Variants in CDH16 observed in about 807,000 individuals in gnomAD.
CDH16 encodes the protein cadherin-16.
CDH16 carries 79 observed loss-of-function variants against 87.6 expected under a neutral mutation model. The ratio of observed to expected loss-of-function variants is 0.90; its 90% CI spans 0.75 to 1.09. The LOEUF is 1.09. Ranked by LOEUF, CDH16 falls within the 50% of genes least tolerant of loss-of-function variation. The pLI is 0.00. For missense variants in CDH16, 1,124 were observed against 1,071.7 expected (o/e 1.05, Z -0.68); for synonymous variants, 457 against 439.5 (o/e 1.04, Z -0.50).
Position 66,912,254 on chromosome 16 carries a change from G to T in CDH16, c.1536C>A (p.Leu512=). Residue 512 remains leucine (L), a synonymous_variant, in exon 12 of 18, where the codon CTC becomes CTA. Coordinates refer to ENST00000299752, the MANE Select transcript of CDH16 (RefSeq NM_004062.4). ...CCCAGGCCCTCACCTTGCAGAGTCT[G>T]AGTCTAACATGCCCAGAGTCTGGCT... ...DWEPDSGHVR[L]RLCKNLSYEA... is the part of the protein sequence containing the mutation. 1 of 1,610,486 alleles carries T rather than the reference G, an allele frequency of 6.2e-7. No homozygotes were observed. The highest frequency in any genetic ancestry group is 2.2e-5 in the East Asian group (1 of 44,842).
At position 66,909,492 on chromosome 16, in the gene CDH16, T is replaced by G; in HGVS notation, c.2276-109A>C. 1 of 707,504 alleles carries G rather than the reference T, an allele frequency of 1.4e-6. No individual in the cohort carries two copies. The highest frequency in any genetic ancestry group is 2.7e-5 in the East Asian group (1 of 36,920). 43.8% of individuals were successfully genotyped at this position (707,504 alleles called of 1,614,324 possible). On this transcript the variant is annotated intron_variant, in intron 16 of 17. Coordinates refer to ENST00000299752, the MANE Select transcript of CDH16 (RefSeq NM_004062.4). This position sits in a 1 kb window ranked among gnomAD's most constrained non-coding sequence, Gnocchi z 4.1. Reference sequence around the variant, plus strand: ...ATATGTGTGTGTTTCTGCACATGTGTGTATTCACATGTGTGTGAAGATATA... The same window carrying G: ...ATATGTGTGTGTTTCTGCACATGTGGGTATTCACATGTGTGTGAAGATATA...
At chr16:66,908,537 A>T (rs1962260957) in intron 17 of CDH16, 48 bp from the exon 18 acceptor site, 1 of 1,432,030 alleles carries the variant, frequency 7.0e-7, no homozygotes, top group Non-Finnish European at 9.9e-7. Context: ...GGGCTGTGGG[A>T]CTTGTTCATC....
Position 66,912,766 on chromosome 16 carries a change from C to G in CDH16, c.1180G>C (p.Asp394His), listed in dbSNP as rs1248164853. ...AGCGTCACACTGCCTGAAGTGGGGTCCACCTGGAAGGCTCTCCCCTCTACC... is the reference window on the plus strand; with the variant it reads ...AGCGTCACACTGCCTGAAGTGGGGTGCACCTGGAAGGCTCTCCCCTCTACC... The part of the protein sequence containing the change: ...DGVEGRAFQV[D>H]PTSGSVTLGV... The change falls in exon 10 of 18, where the codon GAC (aspartate) becomes CAC (histidine). Residue 394 changes from aspartate to histidine, a missense_variant. Coordinates refer to ENST00000299752, the MANE Select transcript of CDH16 (RefSeq NM_004062.4). 1.2e-6 allele frequency: 2 copies of G among 1,613,664 alleles called. No individual in the cohort carries two copies. Among genetic ancestry groups the G allele is most frequent in the Non-Finnish European group, 1.7e-6 (2 of 1,179,994 alleles).
intron 3 of CDH16, 124 bp downstream of exon 3, chr16:66,917,518 G>A: frequency 1.3e-6 from 1 of 744,474 alleles, no homozygotes; most frequent in Admixed American, 2.0e-5. Context: ...TGTGTAACGT[G>A]TACATACTCT....
At chr16:66,915,127 C>T (rs1318099209) in intron 6 of CDH16, 93 bp downstream of exon 6, 6 of 1,293,298 alleles carry the variant, frequency 4.6e-6, no homozygotes, top group Non-Finnish European at 6.3e-6. Context: ...TTTTACCTCT[C>T]AAGCTCCCAC....
Position 66,909,839 on chromosome 16 carries a change from G to A in CDH16, c.2275+147C>T, listed in dbSNP as rs1962327718. 1.5e-6 allele frequency: 1 copy of A among 647,306 alleles called. No homozygotes were observed. The highest frequency in any genetic ancestry group is 2.7e-6 in the Non-Finnish European group (1 of 368,152). 40.1% of individuals were successfully genotyped at this position (647,306 alleles called of 1,614,324 possible). On this transcript the variant is annotated intron_variant, in intron 16 of 17. Transcript: ENST00000299752. This position sits in a 1 kb window ranked among gnomAD's most constrained non-coding sequence, Gnocchi z 4.1. Reference sequence around the variant, plus strand: ...CTCTGTGCCTGTTCCTGTGTGCCCAGGTATGTGTGCCCAGCCATAGGTGTG... The same window carrying A: ...CTCTGTGCCTGTTCCTGTGTGCCCAAGTATGTGTGCCCAGCCATAGGTGTG...
chr16:66,911,206 C>A lies in CDH16; in HGVS notation c.1900G>T (p.Val634Leu). Residue 634 changes from valine (V) to leucine (L), a missense_variant, in exon 14 of 18, where the codon GTG becomes TTG. Coordinates refer to ENST00000299752, the MANE Select transcript of CDH16 (RefSeq NM_004062.4). The stretch of plus-strand genomic sequence containing the variant: ...CCTGTATCCTGGGCCTCCACAAGCA[C>A]CGTGTAGGTGTCCCCAGGCTGGGCG... Reference protein sequence around the residue: ...QGAQPGDTYTVLVEAQDTDEP... With the variant: ...QGAQPGDTYTLLVEAQDTDEP... 1 of 1,613,404 alleles carries A rather than the reference C, an allele frequency of 6.2e-7. No individual in the cohort carries two copies. Among genetic ancestry groups the A allele is most frequent in the Admixed American group, 1.7e-5 (1 of 59,950 alleles).
In CDH16 at chr16:66,909,936, T is replaced by A; in HGVS notation, c.2275+50A>T. ...TGTGTACCAGCTCCCTCCCCTTGCATCCCAGCGGTTCCCTCAGGAACTGCA... is the reference window on the plus strand; with the variant it reads ...TGTGTACCAGCTCCCTCCCCTTGCAACCCAGCGGTTCCCTCAGGAACTGCA... On this transcript the variant is annotated intron_variant, in intron 16 of 17. Transcript: ENST00000299752. The surrounding 1 kb of genome is among the most constrained non-coding windows in gnomAD (Gnocchi z 4.1). 7.3e-7 allele frequency: 1 copy of A among 1,364,018 alleles called. No homozygotes were observed. Among genetic ancestry groups the A allele is most frequent in the Non-Finnish European group, 1.0e-6 (1 of 975,658 alleles). 84.5% of individuals were successfully genotyped at this position (1,364,018 alleles called of 1,614,324 possible).
chr16:66,911,257 C>T lies in CDH16; in HGVS notation c.1849G>A (p.Val617Met). 2 of 1,613,606 alleles carry T rather than the reference C, an allele frequency of 1.2e-6. No individual in the cohort carries two copies. Among genetic ancestry groups the T allele is most frequent in the Non-Finnish European group, 1.7e-6 (2 of 1,179,824 alleles). The change falls in exon 14 of 18, where the codon GTG becomes ATG. Residue 617 changes from valine (V) to methionine (M), a missense_variant. By Grantham distance (21) the Val-to-Met change is conservative. Coordinates refer to ENST00000299752, the MANE Select transcript of CDH16 (RefSeq NM_004062.4). The stretch of plus-strand genomic sequence containing the variant: ...CCCTGCAGGGACTGGGCGGTGTGCA[C>T]CTCCCCGGAGAATTTCTCAATGCAG... ...WLCIEKFSGE[V>M]HTAQSLQGAQ... is the part of the protein sequence containing the mutation.
At position 66,909,232 on chromosome 16, in the gene CDH16, C is replaced by T. The variant is rs1175525440; in HGVS notation, c.2392+35G>A. Reference sequence around the variant, plus strand: ...GGCTGTGGTCCCAACCACCCATCGCCCTCGCCCACGCAGGTAATGTCCAAC... The same window carrying T: ...GGCTGTGGTCCCAACCACCCATCGCTCTCGCCCACGCAGGTAATGTCCAAC... On this transcript the variant is annotated intron_variant, in intron 17 of 17. Transcript: ENST00000299752. This position sits in a 1 kb window ranked among gnomAD's most constrained non-coding sequence, Gnocchi z 4.1. 3 of 1,333,044 alleles carry T rather than the reference C, an allele frequency of 2.3e-6. No homozygotes were observed. The highest frequency in any genetic ancestry group is 3.2e-6 in the Non-Finnish European group (3 of 923,376). 82.6% of individuals were successfully genotyped at this position (1,333,044 alleles called of 1,614,324 possible). A position where few individuals can be genotyped will look rare whatever the true frequency, so the allele number is the denominator to read the frequency against.
In CDH16 at chr16:66,916,378, A is replaced by T; in HGVS notation, c.181T>A (p.Ser61Thr). 6.2e-7 allele frequency: 1 copy of T among 1,613,856 alleles called. No individual in the cohort carries two copies. Among genetic ancestry groups the T allele is most frequent in the South Asian group, 1.1e-5 (1 of 90,978 alleles). Residue 61 changes from serine to threonine, a missense_variant, in exon 4 of 18, where the codon TCA (serine) becomes ACA (threonine). Physicochemically the swap from Ser to Thr is moderately conservative, Grantham distance 58. Transcript: ENST00000299752. The surrounding 1 kb of genome is among the most constrained non-coding windows in gnomAD (Gnocchi z 4.1). ...AEGQIVLSGD[S>T]GKATEGPFAM... ...AATGGGCCCTCAGTTGCCTTGCCTG[A>T]GTCCCCTGACAGCACGATCTGGCCT...
rs1436996124 is a variant in CDH16, at chr16:66,918,005, G to A, written c.45+16C>T. 1 of 1,568,124 alleles carries A rather than the reference G, an allele frequency of 6.4e-7. No homozygotes were observed. The highest frequency in any genetic ancestry group is 2.3e-5 in the East Asian group (1 of 43,040). On this transcript the variant is annotated intron_variant, in intron 2 of 17. Coordinates refer to ENST00000299752, the MANE Select transcript of CDH16 (RefSeq NM_004062.4). ...AAAGCCAAGACCTGAAGGAGAGGGG[G>A]CAGGGCCTAGCTCACCTGGGGGACG...
intron 2 of CDH16, 124 bp from the exon 3 acceptor site, chr16:66,917,849 G>T: frequency 3.0e-6 from 3 of 1,005,880 alleles, no homozygotes; most frequent in Admixed American, 2.4e-5. Flanking sequence ...ATCCACCCGC[G>T]CTCTGGTCTT....
Position 66,918,226 on chromosome 16 carries a change from T to C in CDH16, c.-13-148A>G. 7.3e-6 allele frequency: 4 copies of C among 545,216 alleles called. No homozygotes were observed. The East Asian group carries it at 1.3e-4, about 18-fold the overall frequency. The allele number at this position is 545,216 out of a possible 1,614,324, so 33.8% of individuals were successfully genotyped here. A position where few individuals can be genotyped will look rare whatever the true frequency, so the allele number is the denominator to read the frequency against. The stretch of plus-strand genomic sequence containing the variant: ...AGGCTCTCCATCTCCTGCAGGGTAG[T>C]GCCCTGCTCCTCGGCCAGGCCCACC... On this transcript the variant is annotated intron_variant, in intron 1 of 17. Transcript: ENST00000299752.
rs1241348268 is a variant in CDH16 at position 66,909,281 on chromosome 16, G to A, written c.2378C>T (p.Thr793Ile). 4 of 1,610,516 alleles carry A rather than the reference G, an allele frequency of 2.5e-6. No individual in the cohort carries two copies. Among genetic ancestry groups the A allele is most frequent in the Non-Finnish European group, 3.4e-6 (4 of 1,176,792 alleles). The change falls in exon 17 of 18, where the codon ACC becomes ATC. Residue 793 changes from threonine to isoleucine, a missense_variant. Coordinates refer to ENST00000299752, the MANE Select transcript of CDH16 (RefSeq NM_004062.4). The surrounding 1 kb of genome is among the most constrained non-coding windows in gnomAD (Gnocchi z 4.1). ...ACCTCCATTACCTATTGCTACCAGG[G>A]TGCCTACAAGGATGCCCACTGCCGA... The part of the protein sequence containing the change: ...KLSAVGILVG[T>I]LVAIGIFLIL...
chr16:66,914,331 C>A lies in CDH16; in HGVS notation c.665G>T (p.Gly222Val). Residue 222 changes from glycine to valine, a missense_variant, in exon 7 of 18, where the codon GGC becomes GTC. Physicochemically the swap from Gly to Val is moderately radical, Grantham distance 109 (BLOSUM62 -3). Transcript: ENST00000299752. ...QVKDMGDQAS[G>V]HQATATVEVS... ...TTCCACGGTGGCAGTGGCCTGGTGG[C>A]CTGAGGCCTGGTCACCCATGTCCTT... is the stretch of plus-strand genomic sequence containing the variant. The A allele has an allele frequency of 6.2e-7, 1 of 1,614,170 alleles. No individual in the cohort carries two copies. Among genetic ancestry groups the A allele is most frequent in the Non-Finnish European group, 8.5e-7 (1 of 1,180,010 alleles).
Position 66,915,413 on chromosome 16 carries a change from A to T in CDH16, c.425-35T>A, listed in dbSNP as rs201092000. ...GGTGGGAGGGCAAACTGTAAGGGAT[A>T]GAGAGGGTGGGGAGAGTCTCCCATG... On this transcript the variant is annotated intron_variant, in intron 5 of 17. Transcript: ENST00000299752. 17 of 1,604,302 alleles carry T rather than the reference A, an allele frequency of 1.1e-5. No individual in the cohort carries two copies. The African/African-American group carries it at 1.9e-4, about 18-fold the overall frequency.
chr16:66,915,085 G>T, intron 6 of CDH16, 135 bp downstream of exon 6: 2 of 814,268 alleles, frequency 2.5e-6, no homozygotes, highest in South Asian at 1.7e-5. Context: ...CTGCCTTGTT[G>T]CTGTCTCCAC....
At chr16:66,908,522 A>T in intron 17 of CDH16, 33 bp from the exon 18 acceptor site, 1 of 1,537,092 alleles carries the variant, frequency 6.5e-7, no homozygotes, top group Non-Finnish European at 9.0e-7. Flanking sequence ...ATCAGGCCTC[A>T]GAAGGGGCTG....
Sources: allele counts gnomAD v4.1 joint callset, GRCh38; gene constraint gnomAD v4.1.1; non-coding constraint Gnocchi (gnomAD v3.1); transcripts MANE v1.5; gene names NCBI Gene and HGNC (gene_info 2026-07-23, HGNC 2026-07-21).